ADCY5: variants seen among roughly 807,000 people sequenced by gnomAD.
ADCY5 encodes the protein adenylate cyclase 5.
In ADCY5, 30 loss-of-function variants were observed where a neutral mutation model predicts 119.7. The observed-to-expected ratio is 0.25, with a 90% CI of 0.19 to 0.34. The LOEUF is 0.34. Among genes scored for constraint, ADCY5 ranks in the 10% least tolerant of loss-of-function variants. ADCY5 has a pLI of 1.00. For synonymous variants in ADCY5, 753 were observed against 762.2 expected, an observed-to-expected ratio of 0.99 and a Z score of 0.20; for missense variants, 1,324 against 1,775.2, an observed-to-expected ratio of 0.75 and a Z score of 4.57.
intron 1 of ADCY5, among the ~76,000 whole-genome samples, chr3:123,431,383 T>C (rs763780809): frequency 6.6e-6 from 1 of 151,996 alleles, no homozygotes; most frequent in African/African-American, 2.4e-5. Context: ...TGTAATGCAC[T>C]ATGATTGTGC....
chr3:123,399,029 T>A (rs1944682348), intron 1 of ADCY5, among the ~76,000 whole-genome samples: 2 of 152,172 alleles, frequency 1.3e-5, no homozygotes, highest in Non-Finnish European at 2.9e-5. Flanking sequence ...GGGGCAGGAC[T>A]GGGGGAGCTC....
At chr3:123,301,062 T>G (rs952080830) in intron 14 of ADCY5, among the ~76,000 whole-genome samples, 10 of 151,822 alleles carry the variant, frequency 6.6e-5, no homozygotes, top group African/African-American at 2.4e-4. Context: ...TCTCTGAGCC[T>G]CCGTTTCCTT....
intron 1 of ADCY5, among the ~76,000 whole-genome samples, chr3:123,359,871 T>G (rs1481766138): frequency 6.6e-6 from 1 of 152,152 alleles, no homozygotes; most frequent in Non-Finnish European, 1.5e-5. Context: ...CTGGCAAGAC[T>G]TCCTTCCTCC....
chr3:123,314,343 AG>A, intron 11 of ADCY5, 21 bp from the exon 12 acceptor site: 1 of 1,589,996 alleles, frequency 6.3e-7, no homozygotes, highest in Non-Finnish European at 8.6e-7. Context: ...AGAGGAGGGG[AG>A]GGAGAAGCCA....
intron 12 of ADCY5, among the ~76,000 whole-genome samples, chr3:123,309,153 T>C (rs542687429): frequency 6.6e-6 from 1 of 152,278 alleles, no homozygotes; most frequent in Admixed American, 6.5e-5. Context: ...TGTCTCCAGG[T>C]ACATCGAAGA....
intron 1 of ADCY5, among the ~76,000 whole-genome samples, chr3:123,379,505 A>G (rs1283180199): frequency 6.6e-6 from 1 of 152,160 alleles, no homozygotes; most frequent in Admixed American, 6.5e-5. Flanking sequence ...ATGAGCAAGG[A>G]GCAGCGGGTT....
chr3:123,448,241 G>A lies in ADCY5; in HGVS notation c.305C>T (p.Ala102Val). The change falls in exon 1 of 21, where the codon GCC (alanine) becomes GTC (valine). Residue 102 changes from alanine (A) to valine (V), a missense_variant. Around this residue, in one of 6 missense-constraint regions of ADCY5, gnomAD observed 585 missense variants for 569.9 expected, o/e 1.03. Coordinates refer to ENST00000462833, the MANE Select transcript of ADCY5 (RefSeq NM_183357.3). The stretch of plus-strand genomic sequence containing the variant: ...GTCGTCGCCGCCGCGCTCCTGCCAG[G>A]CGGACTTGGAGCGGAAGCTGAAGCC... ...GFGFSFRSKS[A>V]WQERGGDDCG... 2.8e-6 allele frequency: 4 copies of A among 1,446,346 alleles called. No homozygotes were observed. The highest frequency in any genetic ancestry group is 3.6e-6 in the Non-Finnish European group (4 of 1,102,096). The allele number at this position is 1,446,346 out of a possible 1,614,324, so 89.6% of individuals were successfully genotyped here.
chr3:123,436,266 A>C (rs1304051444), intron 1 of ADCY5, among the ~76,000 whole-genome samples: 4 of 151,868 alleles, frequency 2.6e-5, no homozygotes. Context: ...CCAGCTACTC[A>C]GGAGGCTGAG....
At chr3:123,299,725 G>T (rs544641624) in intron 15 of ADCY5, among the ~76,000 whole-genome samples, 51 of 152,368 alleles carry the variant, frequency 3.3e-4, no homozygotes, top group African/African-American at 1.1e-3. Context: ...GGATATCCAG[G>T]CACCTGCCTC....
In ADCY5 at chr3:123,290,012, G is replaced by A. The variant is rs551970884; in HGVS notation, c.3328-58C>T. 155 of 1,566,106 alleles carry A rather than the reference G, an allele frequency of 9.9e-5. No individual in the cohort carries two copies. In the East Asian group the frequency reaches 2.6e-3, roughly 26 times the overall value. On this transcript the variant is annotated intron_variant, in intron 18 of 20. Coordinates refer to ENST00000462833, the MANE Select transcript of ADCY5 (RefSeq NM_183357.3). ...AAGCCTGGGACACCGAGGGCCACAG[G>A]GAGGGACAGAGGATGTCCAGGGAAG...
chr3:123,338,040 C>A (rs1266409356), intron 3 of ADCY5, among the ~76,000 whole-genome samples: 5 of 152,212 alleles, frequency 3.3e-5, no homozygotes, highest in African/African-American at 4.8e-5. Context: ...GAACAGGTAC[C>A]AGGGACATGG....
intron 10 of ADCY5, among the ~76,000 whole-genome samples, chr3:123,319,279 C>T (rs1046762729): frequency 2.7e-5 from 4 of 145,714 alleles, no homozygotes; most frequent in African/African-American, 5.1e-5. Context: ...ACTTGAACCT[C>T]GGGGGAGGAG....
At chr3:123,418,135 G>A (rs1945225212) in intron 1 of ADCY5, among the ~76,000 whole-genome samples, 1 of 152,214 alleles carries the variant, frequency 6.6e-6, no homozygotes, top group Non-Finnish European at 1.5e-5. Flanking sequence ...AAAGGCCAGT[G>A]GCACATGTTC....
chr3:123,285,528 C>A (rs1190407491), intron 20 of ADCY5, among the ~76,000 whole-genome samples: 1 of 152,184 alleles, frequency 6.6e-6, no homozygotes, highest in Non-Finnish European at 1.5e-5. Context: ...CTCCCCACCC[C>A]AGCCACACTG....
At chr3:123,375,127 T>C (rs1243471953) in intron 1 of ADCY5, among the ~76,000 whole-genome samples, 1 of 152,170 alleles carries the variant, frequency 6.6e-6, no homozygotes, top group Admixed American at 6.5e-5. Context: ...CCCCAGCCCT[T>C]TTTCAAGGGC....
chr3:123,403,589 C>T (rs535069864), intron 1 of ADCY5, among the ~76,000 whole-genome samples: 3 of 152,092 alleles, frequency 2.0e-5, no homozygotes, highest in Admixed American at 1.3e-4. Context: ...AAGTGAGGTG[C>T]GCAATCAGTC....
In ADCY5 at chr3:123,291,296, C is replaced by T. The variant is rs1939132891; in HGVS notation, c.3144G>A (p.Val1048=). The change falls in exon 18 of 21, where the codon GTG becomes GTA. Residue 1048 remains valine (V), a synonymous_variant. Transcript: ENST00000462833. ...RLLHNILPKD[V]AAHFLARERR... is the part of the protein sequence containing the mutation. Reference sequence around the variant, plus strand: ...GCTCGCGGGCCAGGAAGTGAGCGGCCACGTCCTTGGGCAGGATGTTGTGCA... The same window carrying T: ...GCTCGCGGGCCAGGAAGTGAGCGGCTACGTCCTTGGGCAGGATGTTGTGCA... The T allele has an allele frequency of 6.2e-7, 1 of 1,613,830 alleles. No homozygotes were observed. The highest frequency in any genetic ancestry group is 1.3e-5 in the African/African-American group (1 of 74,928).
chr3:123,367,358 C>A (rs901916905), intron 1 of ADCY5, among the ~76,000 whole-genome samples: 3 of 152,218 alleles, frequency 2.0e-5, no homozygotes, highest in Admixed American at 2.0e-4. Context: ...ATGCTTCACC[C>A]ACCCACAAAC....
chr3:123,324,135 G>C (rs895754374), intron 8 of ADCY5, among the ~76,000 whole-genome samples: 1 of 152,078 alleles, frequency 6.6e-6, no homozygotes, highest in African/African-American at 2.4e-5. Flanking sequence ...GTTAAATGGG[G>C]GTCTTGGCTC....
Sources: gnomAD v4.1 joint callset for allele counts (sites outside exome capture counted in the v4.1 genomes callset) on GRCh38, gnomAD v4.1.1 for gene constraint, gnomAD v4.1.1 regional missense constraint, MANE v1.5 for transcripts, NCBI Gene and HGNC (gene_info 2026-07-23, HGNC 2026-07-21) for gene names.